The following ATP1A3 variants were observed in gnomAD, a reference collection of about 807,000 sequenced individuals.
ATP1A3 encodes the protein ATPase Na+/K+ transporting subunit alpha 3.
A neutral mutation model predicts 108.8 loss-of-function variants in ATP1A3; 12 were observed. That is an observed-to-expected ratio of 0.11 (90% CI 0.07 to 0.18). The LOEUF (loss-of-function observed/expected upper bound fraction) is 0.18, where lower values mean the gene tolerates loss of function less well. Ranked by LOEUF, ATP1A3 falls within the 10% of genes least tolerant of loss-of-function variation. The pLI, the probability that ATP1A3 is intolerant of heterozygous loss-of-function variation, is 1.00. For missense variants in ATP1A3, 498 were observed against 1,387.7 expected (o/e 0.36, Z 10.19); for synonymous variants, 539 against 564.5 (o/e 0.95, Z 0.64).
chr19:41,989,077 C>T (rs1042050481), intron 1 of ATP1A3, among the ~76,000 whole-genome samples: 1 of 152,176 alleles, frequency 6.6e-6, no homozygotes, highest in Admixed American at 6.5e-5. Context: ...GTAGCTGGGA[C>T]TACAGGTGTG....
chr19:41,985,842 C>A lies in ATP1A3; in HGVS notation c.606+22G>T, dbSNP rs782446017. The A allele has an allele frequency of 1.2e-6, 2 of 1,613,158 alleles. No homozygotes were observed. The highest frequency in any genetic ancestry group is 4.5e-5 in the East Asian group (2 of 44,862). ...TGGGCAGCCCGAGGGAGGGTAAAGC[C>A]GGGCCCTAGGCCCAGGCCCACCTTG... On this transcript the variant is annotated intron_variant, in intron 6 of 22. Coordinates refer to ENST00000648268, the MANE Select transcript of ATP1A3 (RefSeq NM_152296.5). The surrounding 1 kb of genome is among the most constrained non-coding windows in gnomAD (Gnocchi z 8.2).
chr19:41,986,024 C>G (rs375375396), intron 5 of ATP1A3, 26 bp from the exon 6 acceptor site: 2 of 1,614,128 alleles, frequency 1.2e-6, no homozygotes, highest in African/African-American at 2.7e-5. Flanking sequence ...GTAATGTCAC[C>G]TCCCAGACTC....
intron 1 of ATP1A3, among the ~76,000 whole-genome samples, chr19:41,990,183 C>T (rs2075323320): frequency 6.6e-6 from 1 of 152,088 alleles, no homozygotes; most frequent in South Asian, 2.1e-4. Flanking sequence ...GTCTCTTTTC[C>T]TGTTTCAACC....
Position 41,981,219 on chromosome 19 carries a change from G to A in ATP1A3, c.1437+283C>T, listed in dbSNP as rs1348816499. Among the ~76,000 whole-genome samples the A allele has an allele frequency of 1.3e-5, 2 of 151,452 alleles. No individual in the cohort carries two copies. The highest frequency in any genetic ancestry group is 4.9e-5 in the African/African-American group (2 of 41,156). On this transcript the variant is annotated intron_variant, in intron 11 of 22. Transcript: ENST00000648268. This position sits in a 1 kb window ranked among gnomAD's most constrained non-coding sequence, Gnocchi z 5.0. Reference sequence around the variant, plus strand: ...TTGCCATCTTGCCCAGGCTCGTCTCGAACTCCTGGCCTCAAGTGATCCCCC... The same window carrying A: ...TTGCCATCTTGCCCAGGCTCGTCTCAAACTCCTGGCCTCAAGTGATCCCCC...
rs1568858230 is a variant in ATP1A3, at chr19:41,975,713, C to T, written c.2179G>A (p.Ala727Thr). 6.2e-7 allele frequency: 1 copy of T among 1,614,108 alleles called. No individual in the cohort carries two copies. The highest frequency in any genetic ancestry group is 8.5e-7 in the Non-Finnish European group (1 of 1,179,994). The change falls in exon 16 of 23, where the codon GCT (alanine) becomes ACT (threonine). Residue 727 changes from alanine to threonine, a missense_variant. Coordinates refer to ENST00000648268, the MANE Select transcript of ATP1A3 (RefSeq NM_152296.5). ...GCCTGCTTGGAGACGTCAGAGCCAG[C>T]GATGCCCATGGCCACCCCAATGTCG... ...KADIGVAMGI[A>T]GSDVSKQAAD...
At chr19:41,989,485 A>T (rs1185801100) in intron 1 of ATP1A3, among the ~76,000 whole-genome samples, 13 of 151,750 alleles carry the variant, frequency 8.6e-5, no homozygotes, top group African/African-American at 3.1e-4. Flanking sequence ...CGCCCGGCTC[A>T]TTTTTTTGTA....
rs2075200610 is a variant in ATP1A3 at position 41,978,894 on chromosome 19, G to A, written c.1438-96C>T. 1 of 1,283,382 alleles carries A rather than the reference G, an allele frequency of 7.8e-7. No individual in the cohort carries two copies. Among genetic ancestry groups the A allele is most frequent in the Non-Finnish European group, 1.1e-6 (1 of 904,616 alleles). The allele number at this position is 1,283,382 out of a possible 1,614,324, so 79.5% of individuals were successfully genotyped here. On this transcript the variant is annotated intron_variant, in intron 11 of 22. Transcript: ENST00000648268. This position sits in a 1 kb window ranked among gnomAD's most constrained non-coding sequence, Gnocchi z 8.3. ...CCCTGTCCAGAGCCACGGGTGCCAG[G>A]ATAGGCCCACACCAGGGCTCCCCCA...
intron 18 of ATP1A3, 44 bp downstream of exon 18, chr19:41,970,141 G>A (rs1555859455): frequency 3.9e-5 from 63 of 1,614,012 alleles, no homozygotes; most frequent in Non-Finnish European, 5.2e-5. Context: ...ACTGCTCTAG[G>A]CCCGGCACTG....
At chr19:41,976,391 C>T (rs2075171133) in intron 15 of ATP1A3, 25 bp downstream of exon 15, 1 of 1,613,920 alleles carries the variant, frequency 6.2e-7, no homozygotes, top group Admixed American at 1.7e-5. Flanking sequence ...GGCCCCGTCC[C>T]CTCCTCTGCG....
Position 41,978,307 on chromosome 19 carries a change from C to A in ATP1A3, c.1650G>T (p.Leu550=). 6.2e-7 allele frequency: 1 copy of A among 1,605,662 alleles called. No individual in the cohort carries two copies. Among genetic ancestry groups the A allele is most frequent in the East Asian group, 2.2e-5 (1 of 44,578 alleles). ...AGCCCTTGGGGAACTGCTCCTCGGG[C>A]AGGTAATAATGGCAGAAACCTAGTG... ...ERVLGFCHYY[L]PEEQFPKGFA... is the part of the protein sequence containing the mutation. The change falls in exon 13 of 23, where the codon CTG becomes CTT. Residue 550 remains leucine (L), a synonymous_variant. Coordinates refer to ENST00000648268, the MANE Select transcript of ATP1A3 (RefSeq NM_152296.5). The surrounding 1 kb of genome is among the most constrained non-coding windows in gnomAD (Gnocchi z 8.3).
chr19:41,986,309 A>G, intron 4 of ATP1A3, 80 bp from the exon 5 acceptor site: 2 of 1,424,990 alleles, frequency 1.4e-6, no homozygotes, highest in Non-Finnish European at 2.0e-6. Context: ...GAGTCTGGGA[A>G]GGGAGCTTTG....
intron 16 of ATP1A3, among the ~76,000 whole-genome samples, chr19:41,971,716 G>A (rs1555859916): frequency 1.3e-5 from 2 of 152,130 alleles, no homozygotes; most frequent in East Asian, 1.9e-4. Context: ...CAGGATAATG[G>A]TTATGTCTAG....
At chr19:41,980,459 C>T (rs1312572889) in intron 11 of ATP1A3, among the ~76,000 whole-genome samples, 6 of 151,766 alleles carry the variant, frequency 4.0e-5, no homozygotes, top group South Asian at 2.1e-4. Flanking sequence ...ACTAAAAATA[C>T]AAAAACTAGC....
In ATP1A3 at chr19:41,993,501, GCA is replaced by G. The variant is rs4060828; in HGVS notation, c.6+568_6+569del. ...CCCAGGCTGCGACACTGCGGAGCCT[GCA>G]CACACACACACACACACACACACAC... On this transcript the variant is annotated intron_variant, in intron 1 of 22. Transcript: ENST00000648268. The G allele has an allele frequency of 0.071, 47,667 of 670,146 alleles. 1,168 individuals carry two copies. Among genetic ancestry groups the G allele is most frequent in the African/African-American group, 0.095 (4,267 of 44,998 alleles). 41.5% of individuals were successfully genotyped at this position (670,146 alleles called of 1,614,324 possible). A position where few individuals can be genotyped will look rare whatever the true frequency, so the allele number is the denominator to read the frequency against.
chr19:41,970,042 C>A lies in ATP1A3; in HGVS notation c.2542+143G>T, dbSNP rs368727667. ...GGTGGAGAAGGATGGGGTGCAGACC[C>A]CCCCCACAGATAGCTCACTGGTTGG... On this transcript the variant is annotated intron_variant, in intron 18 of 22. Transcript: ENST00000648268. The A allele has an allele frequency of 8.7e-6, 12 of 1,377,454 alleles. 1 individual carries two copies. In the African/African-American group the frequency reaches 1.1e-4, roughly 13 times the overall value. The allele number at this position is 1,377,454 out of a possible 1,614,324, so 85.3% of individuals were successfully genotyped here.
chr19:41,968,980 C>T lies in ATP1A3; in HGVS notation c.2689-65G>A, dbSNP rs1219067172. The T allele has an allele frequency of 4.0e-5, 65 of 1,609,310 alleles. No homozygotes were observed. In the South Asian group the frequency reaches 5.3e-4, roughly 13 times the overall value. On this transcript the variant is annotated intron_variant, in intron 19 of 22. Coordinates refer to ENST00000648268, the MANE Select transcript of ATP1A3 (RefSeq NM_152296.5). This position sits in a 1 kb window ranked among gnomAD's most constrained non-coding sequence, Gnocchi z 5.0. ...GGCACTGCAGCCCTAGCCGCCACCCCGACGTTCCGGTGCTCTTTGCCCCGC... is the reference window on the plus strand; with the variant it reads ...GGCACTGCAGCCCTAGCCGCCACCCTGACGTTCCGGTGCTCTTTGCCCCGC...
At chr19:41,993,241 T>A (rs2075357083) in intron 1 of ATP1A3, 1 of 487,714 alleles carries the variant, frequency 2.1e-6, no homozygotes, top group African/African-American at 2.2e-5. Context: ...AAGGGTCAGG[T>A]GGTCAGCCAG....
rs45606534 is a variant in ATP1A3, at chr19:41,970,240, C to T, written c.2487G>A (p.Pro829=). 0.01 allele frequency: 16,487 copies of T among 1,614,208 alleles called. 109 individuals carry two copies. Among genetic ancestry groups the T allele is most frequent in the Non-Finnish European group, 0.012 (14,716 of 1,180,034 alleles). ...SDIMKRQPRN[P]RTDKLVNERL... ...TCTCATTGACCAATTTGTCCGTCCG[C>T]GGGTTCCTGGGCTGTCTCTTCATGA... Residue 829 remains proline, a synonymous_variant, in exon 18 of 23, where the codon CCG becomes CCA. Transcript: ENST00000648268.
At position 41,981,731 on chromosome 19, in the gene ATP1A3, A is replaced by G; in HGVS notation, c.1293T>C (p.Pro431=). 1 of 1,614,208 alleles carries G rather than the reference A, an allele frequency of 6.2e-7. No homozygotes were observed. The highest frequency in any genetic ancestry group is 8.5e-7 in the Non-Finnish European group (1 of 1,180,048). The part of the protein sequence containing the change: ...AVFKGGQDNI[P]VLKRDVAGDA... ...CAGTAGCTGAACCCACCTTGAGCAC[A>G]GGGATGTTGTCCTGACCACCCTTGA... The change falls in exon 10 of 23, where the codon CCT becomes CCC. Residue 431 remains proline (P), a synonymous_variant. Coordinates refer to ENST00000648268, the MANE Select transcript of ATP1A3 (RefSeq NM_152296.5). The surrounding 1 kb of genome is among the most constrained non-coding windows in gnomAD (Gnocchi z 5.0).
Sources: allele counts gnomAD v4.1 joint callset (sites outside exome capture counted in the v4.1 genomes callset), GRCh38; gene constraint gnomAD v4.1.1; non-coding constraint Gnocchi (gnomAD v3.1); transcripts MANE v1.5; gene names NCBI Gene and HGNC (gene_info 2026-07-23, HGNC 2026-07-21).